PRKCE: variants seen among roughly 807,000 people sequenced by gnomAD.
PRKCE encodes the protein protein kinase C epsilon, also known as protein kinase C epsilon type.
Under a neutral mutation model 85.4 loss-of-function variants are expected in PRKCE, and 16 were observed. That is an observed-to-expected ratio of 0.19 (90% CI 0.13 to 0.28). The LOEUF (loss-of-function observed/expected upper bound fraction) is 0.28. Among genes scored for constraint, PRKCE ranks in the 10% least tolerant of loss-of-function variants. PRKCE has a pLI of 1.00. For missense variants in PRKCE, 573 were observed against 975.2 expected, an observed-to-expected ratio of 0.59 and a Z score of 5.49; for synonymous variants, 388 against 371.5, an observed-to-expected ratio of 1.04 and a Z score of -0.51.
intron 1 of PRKCE, among the ~76,000 whole-genome samples, chr2:45,692,278 T>C (rs1229616818): frequency 6.6e-6 from 1 of 152,190 alleles, no homozygotes; most frequent in Non-Finnish European, 1.5e-5. Flanking sequence ...AAGTCCTAAA[T>C]CAAGGTGTTG....
At chr2:46,062,265 T>C (rs1667216225) in intron 10 of PRKCE, among the ~76,000 whole-genome samples, 1 of 152,190 alleles carries the variant, frequency 6.6e-6, no homozygotes, top group African/African-American at 2.4e-5. Context: ...CCCTACTCTT[T>C]TGTTGAGGAT....
intron 2 of PRKCE, among the ~76,000 whole-genome samples, chr2:45,958,802 ATATATATATATATATTTTTTTTTTTTTT>A (rs1701159493): frequency 4.9e-5 from 1 of 20,214 alleles, no homozygotes; most frequent in African/African-American, 2.2e-4. Flanking sequence ...ATATATATAT[ATATATATATATATATTTTTTTTTTTTTT>A]TTTTTTTTTT....
At chr2:45,726,860 G>A (rs533241358) in intron 1 of PRKCE, among the ~76,000 whole-genome samples, 1 of 152,296 alleles carries the variant, frequency 6.6e-6, no homozygotes, top group African/African-American at 2.4e-5. Context: ...GGAAAAAGAA[G>A]CAGAACTGAA....
intron 1 of PRKCE, among the ~76,000 whole-genome samples, chr2:45,664,563 A>G (rs1675824659): frequency 6.6e-6 from 1 of 152,178 alleles, no homozygotes; most frequent in South Asian, 2.1e-4. Context: ...TGAATGAGCA[A>G]CAGGAGTTGG....
At chr2:46,056,874 C>G (rs1323815981) in intron 10 of PRKCE, among the ~76,000 whole-genome samples, 1 of 152,168 alleles carries the variant, frequency 6.6e-6, no homozygotes, top group African/African-American at 2.4e-5. Context: ...TCTGCTCTGA[C>G]TGATAGGGGA....
intron 2 of PRKCE, among the ~76,000 whole-genome samples, chr2:45,926,397 G>A (rs1399018707): frequency 6.6e-6 from 1 of 152,210 alleles, no homozygotes; most frequent in Non-Finnish European, 1.5e-5. Context: ...AGGAGCTGGT[G>A]AAATCAGTGA....
intron 1 of PRKCE, among the ~76,000 whole-genome samples, chr2:45,738,006 G>A (rs1395308003): frequency 6.6e-6 from 1 of 151,740 alleles, no homozygotes; most frequent in African/African-American, 2.4e-5. Flanking sequence ...ACACCTCCTG[G>A]CAGGTCCTGA....
chr2:46,166,404 G>A (rs766110228), intron 14 of PRKCE, among the ~76,000 whole-genome samples: 14 of 152,228 alleles, frequency 9.2e-5, no homozygotes, highest in Non-Finnish European at 1.6e-4. Context: ...ACATCCAAGC[G>A]GCTTACCATC....
chr2:45,733,916 A>G (rs113446286), intron 1 of PRKCE, among the ~76,000 whole-genome samples: 8 of 152,092 alleles, frequency 5.3e-5, no homozygotes, highest in African/African-American at 1.9e-4. Context: ...CATGGCATTC[A>G]TTGTGTAGCA....
chr2:45,857,375 T>A (rs923006260), intron 2 of PRKCE, among the ~76,000 whole-genome samples: 11 of 152,230 alleles, frequency 7.2e-5, no homozygotes, highest in Admixed American at 3.9e-4. Context: ...AGTTTGTTCT[T>A]TAAGAGAGTT....
At chr2:46,105,449 CTT>C (rs35214817) in intron 11 of PRKCE, among the ~76,000 whole-genome samples, 16,654 of 143,204 alleles carry the variant, frequency 0.12, 1,189 homozygotes, top group East Asian at 0.31. Context: ...TTTATCTTTC[CTT>C]TTTTTTTTTT....
At chr2:45,682,658 C>T (rs911312431) in intron 1 of PRKCE, among the ~76,000 whole-genome samples, 3 of 152,230 alleles carry the variant, frequency 2.0e-5, no homozygotes, top group African/African-American at 7.2e-5. Flanking sequence ...GCGATCTCCA[C>T]TCACTGTAAC....
intron 10 of PRKCE, among the ~76,000 whole-genome samples, chr2:46,067,014 A>C (rs1216876074): frequency 6.6e-6 from 1 of 152,256 alleles, no homozygotes; most frequent in Non-Finnish European, 1.5e-5. Context: ...AATTGTTGTC[A>C]GGTAGAAGTT....
chr2:45,859,578 C>G (rs184036228), intron 2 of PRKCE, among the ~76,000 whole-genome samples: 1 of 152,272 alleles, frequency 6.6e-6, no homozygotes, highest in East Asian at 1.9e-4. Flanking sequence ...TGTTGAGAAT[C>G]TTTTTATGTG....
chr2:45,756,126 A>G lies in PRKCE; in HGVS notation c.349-86874A>G, dbSNP rs573473829. On this transcript the variant is annotated intron_variant, in intron 1 of 14. Coordinates refer to ENST00000306156, the MANE Select transcript of PRKCE (RefSeq NM_005400.3). ...AGAGTGGCTACAGAATTCTTAAAAC[A>G]TGATGCTGACTCCAGTCTTTGGTGA... Among the ~76,000 whole-genome samples, 3 of 152,344 alleles carry G rather than the reference A, an allele frequency of 2.0e-5. No individual in the cohort carries two copies. The South Asian group carries it at 6.2e-4, about 32-fold the overall frequency.
chr2:45,677,301 T>G (rs57371991), intron 1 of PRKCE, among the ~76,000 whole-genome samples: 3,236 of 151,552 alleles, frequency 0.021, 106 homozygotes, highest in African/African-American at 0.073. Flanking sequence ...TTCTGAGGGT[T>G]ATGGAGGAGC....
intron 1 of PRKCE, among the ~76,000 whole-genome samples, chr2:45,737,328 G>A (rs1682156202): frequency 6.6e-6 from 1 of 152,150 alleles, no homozygotes; most frequent in Admixed American, 6.5e-5. Context: ...ACTCTTCAAG[G>A]AGTCATCCCT....
At chr2:45,664,437 G>A (rs1182183817) in intron 1 of PRKCE, among the ~76,000 whole-genome samples, 2 of 152,212 alleles carry the variant, frequency 1.3e-5, no homozygotes, top group African/African-American at 2.4e-5. Flanking sequence ...TGTGATTAAT[G>A]TTTATTATTA....
chr2:45,844,025 A>T (rs924868277), intron 2 of PRKCE, among the ~76,000 whole-genome samples: 69 of 152,150 alleles, frequency 4.5e-4, no homozygotes, highest in African/African-American at 1.4e-3. Flanking sequence ...ATCTCCCCAG[A>T]ATACTGGGGA....
Sources: gnomAD v4.1 joint callset for allele counts (sites outside exome capture counted in the v4.1 genomes callset) on GRCh38, gnomAD v4.1.1 for gene constraint, MANE v1.5 for transcripts, NCBI Gene and HGNC (gene_info 2026-07-23, HGNC 2026-07-21) for gene names.